NRXN3: variants seen among roughly 807,000 people sequenced by gnomAD.
NRXN3 encodes the protein neurexin III.
Under a neutral mutation model 137.6 loss-of-function variants are expected in NRXN3, and 32 were observed. The observed-to-expected ratio is 0.23, with a 90% CI of 0.18 to 0.31. The LOEUF (loss-of-function observed/expected upper bound fraction) is 0.31. Ranked by LOEUF, NRXN3 falls within the 10% of genes least tolerant of loss-of-function variation. NRXN3 has a pLI of 1.00. For synonymous variants in NRXN3, 798 were observed against 784.5 expected, an observed-to-expected ratio of 1.02 and a Z score of -0.29; for missense variants, 1,574 against 2,062.5, an observed-to-expected ratio of 0.76 and a Z score of 4.59.
chr14:78,700,272 G>A (rs1333776144), intron 6 of NRXN3, among the ~76,000 whole-genome samples: 4 of 152,134 alleles, frequency 2.6e-5, no homozygotes, highest in African/African-American at 9.7e-5. Context: ...TGGCTTTTGC[G>A]TTAGAGGATA....
chr14:78,667,762 A>G (rs952355585), intron 6 of NRXN3, among the ~76,000 whole-genome samples: 3 of 152,186 alleles, frequency 2.0e-5, no homozygotes, highest in African/African-American at 7.2e-5. Flanking sequence ...AATTCCTGGC[A>G]ATCAAATGAG....
At chr14:78,616,676 A>G (rs140514136) in intron 4 of NRXN3, among the ~76,000 whole-genome samples, 2,509 of 152,336 alleles carry the variant, frequency 0.016, 63 homozygotes, top group African/African-American at 0.057. Flanking sequence ...TATGTGATAA[A>G]TAAAAAATGA....
At chr14:78,666,972 G>A (rs1393398552) in intron 6 of NRXN3, among the ~76,000 whole-genome samples, 3 of 152,090 alleles carry the variant, frequency 2.0e-5, no homozygotes, top group Admixed American at 1.3e-4. Context: ...CTAAATGTAT[G>A]TTTTAAGTTC....
chr14:78,539,693 T>C (rs144845118), intron 4 of NRXN3, among the ~76,000 whole-genome samples: 23 of 152,212 alleles, frequency 1.5e-4, no homozygotes, highest in African/African-American at 5.1e-4. Flanking sequence ...TTCTTTTAAT[T>C]GTAATGTTAG....
intron 3 of NRXN3, among the ~76,000 whole-genome samples, chr14:78,284,130 A>G (rs995994616): frequency 1.3e-5 from 2 of 152,204 alleles, no homozygotes; most frequent in Non-Finnish European, 1.5e-5. Flanking sequence ...GGGGCCCCCA[A>G]ATCACTAAAG....
intron 16 of NRXN3, among the ~76,000 whole-genome samples, chr14:79,548,806 C>T (rs2097346804): frequency 6.6e-6 from 1 of 151,690 alleles, no homozygotes; most frequent in Non-Finnish European, 1.5e-5. Context: ...TCATCTGCTG[C>T]CCAAGCAAAG....
chr14:79,063,234 G>A (rs1186131875), intron 15 of NRXN3, among the ~76,000 whole-genome samples: 1 of 152,138 alleles, frequency 6.6e-6, no homozygotes, highest in African/African-American at 2.4e-5. Flanking sequence ...TATCCTTTAA[G>A]GGTGAGGTTA....
chr14:79,768,411 C>T lies in NRXN3; in HGVS notation c.4015-36701C>T, dbSNP rs368325808. 1.3e-3 allele frequency among the ~76,000 whole-genome samples: 198 copies of T among 152,294 alleles called. 1 individual carries two copies. The highest frequency in any genetic ancestry group is 3.8e-3 in the African/African-American group (158 of 41,554). Reference sequence around the variant, plus strand: ...GAAGAGAGCAGTGGTTCTCCCAGCACGCAGCTGGAGATCTGAGAACGGGCA... The same window carrying T: ...GAAGAGAGCAGTGGTTCTCCCAGCATGCAGCTGGAGATCTGAGAACGGGCA... On this transcript the variant is annotated intron_variant, in intron 19 of 20. Transcript: ENST00000335750.
In NRXN3 at chr14:78,574,813, T is replaced by G. The variant is rs138105737; in HGVS notation, c.758-70307T>G. Among the ~76,000 whole-genome samples the G allele has an allele frequency of 3.7e-3, 567 of 152,332 alleles. 10 individuals are homozygous for G. Among genetic ancestry groups the G allele is most frequent in the African/African-American group, 0.013 (536 of 41,578 alleles). ...GACTGTGGGAAGGGCATGACTGTTTTTTGAAATGTGAGGATTAAGCATAAA... is the reference window on the plus strand; with the variant it reads ...GACTGTGGGAAGGGCATGACTGTTTGTTGAAATGTGAGGATTAAGCATAAA... On this transcript the variant is annotated intron_variant, in intron 4 of 20. Coordinates refer to ENST00000335750, the MANE Select transcript of NRXN3 (RefSeq NM_001330195.2).
chr14:78,217,530 A>G (rs981724340), intron 1 of NRXN3, among the ~76,000 whole-genome samples: 1 of 152,184 alleles, frequency 6.6e-6, no homozygotes, highest in African/African-American at 2.4e-5. Context: ...TTTTAAAGAG[A>G]AGAATAATCA....
At chr14:79,226,507 AT>A (rs2070890545) in intron 15 of NRXN3, among the ~76,000 whole-genome samples, 1 of 152,042 alleles carries the variant, frequency 6.6e-6, no homozygotes, top group Non-Finnish European at 1.5e-5. Flanking sequence ...CTCAAACCCA[AT>A]GTATCAGAAG....
chr14:78,428,029 A>G (rs950731484), intron 4 of NRXN3, among the ~76,000 whole-genome samples: 4 of 152,180 alleles, frequency 2.6e-5, no homozygotes, highest in African/African-American at 9.7e-5. Context: ...GACATGTTTG[A>G]TTATCTCTTG....
chr14:78,668,657 C>T (rs192171659), intron 6 of NRXN3, among the ~76,000 whole-genome samples: 5 of 152,202 alleles, frequency 3.3e-5, no homozygotes, highest in Middle Eastern at 3.4e-3. Context: ...TCAACAGTGC[C>T]GAAGCTGAGA....
chr14:79,494,555 G>A (rs1240576016), intron 16 of NRXN3, among the ~76,000 whole-genome samples: 2 of 151,994 alleles, frequency 1.3e-5, no homozygotes, highest in Non-Finnish European at 2.9e-5. Flanking sequence ...GACCAAAAAG[G>A]GTACTACTTT....
intron 16 of NRXN3, among the ~76,000 whole-genome samples, chr14:79,504,819 G>A (rs2096861249): frequency 6.6e-6 from 1 of 151,610 alleles, no homozygotes; most frequent in Non-Finnish European, 1.5e-5. Flanking sequence ...ATTTTCTGTA[G>A]TTTTGAAATT....
chr14:78,788,821 T>G (rs549715017), intron 8 of NRXN3, among the ~76,000 whole-genome samples: 5 of 152,156 alleles, frequency 3.3e-5, no homozygotes, highest in Non-Finnish European at 7.3e-5. Flanking sequence ...GTATTATTAT[T>G]ACACTTGGGA....
chr14:78,903,771 T>C (rs577170506), intron 10 of NRXN3, among the ~76,000 whole-genome samples: 8 of 152,054 alleles, frequency 5.3e-5, no homozygotes, highest in Non-Finnish European at 5.9e-5. Context: ...AAAAAGAACA[T>C]ACAATGCTGG....
intron 15 of NRXN3, among the ~76,000 whole-genome samples, chr14:79,278,722 T>C (rs1345154456): frequency 6.6e-6 from 1 of 152,180 alleles, no homozygotes; most frequent in Non-Finnish European, 1.5e-5. Context: ...CTGGAAGGAC[T>C]GCCAATCACG....
chr14:78,503,880 T>C (rs1291414781), intron 4 of NRXN3, among the ~76,000 whole-genome samples: 2 of 152,166 alleles, frequency 1.3e-5, no homozygotes, highest in Non-Finnish European at 1.5e-5. Context: ...CTGACTTGCG[T>C]GATAAGTTAC....
Sources: gnomAD v4.1 joint callset for allele counts (sites outside exome capture counted in the v4.1 genomes callset) on GRCh38, gnomAD v4.1.1 for gene constraint, MANE v1.5 for transcripts, NCBI Gene and HGNC (gene_info 2026-07-23, HGNC 2026-07-21) for gene names.